The following XKR4 variants were observed in gnomAD, a reference collection of about 807,000 sequenced individuals.
The protein encoded by XKR4 is XK-related protein 4.
In XKR4, 12 loss-of-function variants were observed where a neutral mutation model predicts 53.9. The ratio of observed to expected loss-of-function variants is 0.22; its 90% CI spans 0.14 to 0.36. The LOEUF is 0.36. XKR4 is among the 10% of genes least tolerant of loss of function. The pLI is 1.00. For synonymous variants in XKR4, 354 were observed against 362.4 expected (o/e 0.98, Z 0.26); for missense variants, 799 against 859.5 (o/e 0.93, Z 0.88).
intron 1 of XKR4, among the ~76,000 whole-genome samples, chr8:55,156,679 C>G (rs1352340941): frequency 6.6e-6 from 1 of 152,012 alleles, no homozygotes; most frequent in Non-Finnish European, 1.5e-5. Context: ...TTGTAAGTCT[C>G]TTAATACTAT....
chr8:55,352,427 A>T (rs976439152), intron 1 of XKR4, among the ~76,000 whole-genome samples: 1 of 152,236 alleles, frequency 6.6e-6, no homozygotes, highest in African/African-American at 2.4e-5. Context: ...AAAGTTTTAA[A>T]CTTAAATGCC....
At chr8:55,154,238 C>T (rs1206300926) in intron 1 of XKR4, among the ~76,000 whole-genome samples, 2 of 152,046 alleles carry the variant, frequency 1.3e-5, no homozygotes. Flanking sequence ...TTATTGTAAT[C>T]CTTAAAAAGT....
chr8:55,407,836 T>A (rs1182841312), intron 2 of XKR4, among the ~76,000 whole-genome samples: 1 of 152,266 alleles, frequency 6.6e-6, no homozygotes, highest in Non-Finnish European at 1.5e-5. Flanking sequence ...TTATTTTTGC[T>A]TTTACACTTT....
intron 1 of XKR4, among the ~76,000 whole-genome samples, chr8:55,325,369 C>T (rs1247867329): frequency 6.6e-6 from 1 of 152,094 alleles, no homozygotes; most frequent in East Asian, 1.9e-4. Context: ...TCAGGGCTTT[C>T]TCACCTCAGG....
chr8:55,537,477 T>A lies in XKR4; in HGVS notation c.*13250T>A, dbSNP rs572826252. On this transcript the variant is annotated 3_prime_UTR_variant, in exon 3 of 3. Coordinates refer to ENST00000327381, the MANE Select transcript of XKR4 (RefSeq NM_052898.2). Reference sequence around the variant, plus strand: ...GACAAGCTATTCAGACCAGTTTTCTTTAAGAGCACTTATGTTGCAGAACAT... The same window carrying A: ...GACAAGCTATTCAGACCAGTTTTCTATAAGAGCACTTATGTTGCAGAACAT... The A allele has an allele frequency of 6.6e-6, 1 of 152,362 alleles. No homozygotes were observed. Among genetic ancestry groups the A allele is most frequent in the East Asian group, 1.9e-4 (1 of 5,190 alleles). The allele number at this position is 152,362 out of a possible 1,614,324, so 9.4% of individuals were successfully genotyped here. A position where few individuals can be genotyped will look rare whatever the true frequency, so the allele number is the denominator to read the frequency against.
At chr8:55,166,644 A>G (rs1289447101) in intron 1 of XKR4, among the ~76,000 whole-genome samples, 1 of 152,220 alleles carries the variant, frequency 6.6e-6, no homozygotes, top group Non-Finnish European at 1.5e-5. Context: ...AGTTTTGGGT[A>G]TGCTGTTGGA....
At chr8:55,501,557 T>A (rs928080048) in intron 2 of XKR4, among the ~76,000 whole-genome samples, 1 of 152,214 alleles carries the variant, frequency 6.6e-6, no homozygotes, top group Non-Finnish European at 1.5e-5. Context: ...CATGCCATAT[T>A]TGTCTTTTTG....
intron 2 of XKR4, among the ~76,000 whole-genome samples, chr8:55,517,063 G>A (rs561280457): frequency 4.2e-4 from 64 of 152,176 alleles, no homozygotes; most frequent in African/African-American, 1.4e-3. Context: ...CTCACAAGTG[G>A]GAGCTAAACA....
intron 1 of XKR4, among the ~76,000 whole-genome samples, chr8:55,244,509 A>G (rs1818256051): frequency 6.6e-6 from 1 of 152,196 alleles, no homozygotes; most frequent in Non-Finnish European, 1.5e-5. Context: ...GCTATTGTGA[A>G]TAGTACTGTG....
chr8:55,402,424 T>C (rs954264783), intron 2 of XKR4, among the ~76,000 whole-genome samples: 1 of 152,196 alleles, frequency 6.6e-6, no homozygotes, highest in Non-Finnish European at 1.5e-5. Context: ...AAGGACAAGA[T>C]ACCTTCTCAC....
At chr8:55,196,940 G>A (rs1461780080) in intron 1 of XKR4, among the ~76,000 whole-genome samples, 1 of 152,174 alleles carries the variant, frequency 6.6e-6, no homozygotes, top group Non-Finnish European at 1.5e-5. Flanking sequence ...GCTCAACAGA[G>A]GACTTCCGGC....
In XKR4 at chr8:55,490,639, A is replaced by G. The variant is rs145103977; in HGVS notation, c.1007-32642A>G. ...AATTAAAAATAAAAGACGCTGTTTC[A>G]TTGTCTCCTGGCTTGCATTGTTTAT... On this transcript the variant is annotated intron_variant, in intron 2 of 2. Transcript: ENST00000327381. 2.1e-3 allele frequency among the ~76,000 whole-genome samples: 323 copies of G among 152,308 alleles called. 1 individual carries two copies. The highest frequency in any genetic ancestry group is 3.7e-3 in the East Asian group (19 of 5,196).
chr8:55,375,931 C>T (rs1804145353), intron 2 of XKR4, among the ~76,000 whole-genome samples: 1 of 152,088 alleles, frequency 6.6e-6, no homozygotes, highest in South Asian at 2.1e-4. Context: ...GCCATGTGTC[C>T]ACGTGTTCTC....
intron 2 of XKR4, among the ~76,000 whole-genome samples, chr8:55,380,692 A>T (rs2129387428): frequency 6.6e-6 from 1 of 152,376 alleles, no homozygotes; most frequent in Middle Eastern, 3.4e-3. Context: ...AATTCTATCC[A>T]CTAAGTCACC....
intron 2 of XKR4, among the ~76,000 whole-genome samples, chr8:55,472,883 T>C (rs1389962717): frequency 6.6e-6 from 1 of 152,090 alleles, no homozygotes; most frequent in Non-Finnish European, 1.5e-5. Flanking sequence ...TTGTCTTATG[T>C]TCTCGGCATC....
chr8:55,228,217 AT>A (rs1817983607), intron 1 of XKR4, among the ~76,000 whole-genome samples: 1 of 152,154 alleles, frequency 6.6e-6, no homozygotes, highest in South Asian at 2.1e-4. Context: ...CGGCCATGTC[AT>A]TACTGTTTTT....
At chr8:55,241,964 G>A (rs1246490276) in intron 1 of XKR4, among the ~76,000 whole-genome samples, 1 of 152,140 alleles carries the variant, frequency 6.6e-6, no homozygotes, top group African/African-American at 2.4e-5. Context: ...GGGTATAGCT[G>A]TGTTTATAAA....
At chr8:55,177,100 G>A (rs1043945288) in intron 1 of XKR4, among the ~76,000 whole-genome samples, 1 of 150,846 alleles carries the variant, frequency 6.6e-6, no homozygotes, top group East Asian at 2.0e-4. Flanking sequence ...GTAGTGGCAC[G>A]ATCTAAGCTC....
chr8:55,508,266 G>C (rs1806575601), intron 2 of XKR4, among the ~76,000 whole-genome samples: 1 of 152,082 alleles, frequency 6.6e-6, no homozygotes, highest in African/African-American at 2.4e-5. Flanking sequence ...TCAGTCCCCA[G>C]GATGCTAATA....
Sources: gnomAD v4.1 joint callset for allele counts (sites outside exome capture counted in the v4.1 genomes callset) on GRCh38, gnomAD v4.1.1 for gene constraint, MANE v1.5 for transcripts, NCBI Gene and HGNC (gene_info 2026-07-23, HGNC 2026-07-21) for gene names.